Variants in RFX8 observed in about 807,000 individuals in gnomAD.
The protein encoded by RFX8 is regulatory factor X8, also known as DNA-binding protein RFX8.
Under a neutral mutation model 54.6 loss-of-function variants are expected in RFX8, and 46 were observed. The ratio of observed to expected loss-of-function variants is 0.84; its 90% confidence interval spans 0.67 to 1.08. The LOEUF (loss-of-function observed/expected upper bound fraction) is 1.08. RFX8 is among the 50% of genes least tolerant of loss of function. The pLI is 0.00. For missense variants in RFX8, 536 were observed against 562.3 expected, an observed-to-expected ratio of 0.95 and a Z score of 0.47; for synonymous variants, 192 against 209.5, an observed-to-expected ratio of 0.92 and a Z score of 0.72.
At chr2:101,461,287 G>GAAAA (rs1265443378) in intron 2 of RFX8, among the ~76,000 whole-genome samples, 1 of 133,956 alleles carries the variant, frequency 7.5e-6, no homozygotes, top group African/African-American at 2.8e-5. Context: ...AAAAAAGAAA[G>GAAAA]AAAAAGAAAA....
intron 2 of RFX8, among the ~76,000 whole-genome samples, chr2:101,456,216 C>T (rs1386699977): frequency 6.6e-6 from 1 of 152,168 alleles, no homozygotes; most frequent in African/African-American, 2.4e-5. Context: ...CTTTCTCTTG[C>T]CTGATTGTCC....
chr2:101,466,423 T>C (rs10176042), intron 2 of RFX8, among the ~76,000 whole-genome samples: 83,044 of 152,066 alleles, frequency 0.55, 24,022 homozygotes, highest in Non-Finnish European at 0.64. Context: ...AAAGTGGCTC[T>C]CAGCTTGTGT....
chr2:101,453,937 T>C (rs560619031), intron 2 of RFX8, among the ~76,000 whole-genome samples: 2 of 152,306 alleles, frequency 1.3e-5, no homozygotes, highest in South Asian at 4.1e-4. Context: ...CTAGGGTACA[T>C]GTGCACAACA....
intron 7 of RFX8, among the ~76,000 whole-genome samples, chr2:101,414,578 G>A (rs774897625): frequency 5.9e-5 from 9 of 151,972 alleles, no homozygotes; most frequent in East Asian, 1.9e-4. Context: ...CCTGGCCATC[G>A]GGCATCTTTT....
chr2:101,431,918 A>AGG (rs1031990790), intron 2 of RFX8, among the ~76,000 whole-genome samples: 5 of 152,132 alleles, frequency 3.3e-5, no homozygotes, highest in African/African-American at 1.2e-4. Context: ...CCTGCCATGT[A>AGG]GGGGCCTGTG....
intron 2 of RFX8, among the ~76,000 whole-genome samples, chr2:101,429,961 G>T (rs139721509): frequency 1.1e-3 from 172 of 152,272 alleles, no homozygotes; most frequent in African/African-American, 4.1e-3. Flanking sequence ...GCTCTCTTCT[G>T]AAGGTTTGGG....
In RFX8 at chr2:101,469,017, G is replaced by A. The variant is rs201322351; in HGVS notation, c.-52-2117C>T. ...GTATATATATACGTATATATATATA[G>A]GTATATATATATACGTATATATATG... On this transcript the variant is annotated intron_variant, in intron 1 of 11. Coordinates refer to ENST00000428343, the MANE Select transcript of RFX8 (RefSeq NM_001145664.2). Among the ~76,000 whole-genome samples the A allele has an allele frequency of 0.019, 388 of 20,540 alleles. 25 individuals are homozygous for A. The East Asian group carries it at 0.22, about 12-fold the overall frequency. 13.5% of individuals were successfully genotyped at this position (20,540 alleles called of 152,430 possible).
At chr2:101,474,460 G>C in intron 1 of RFX8, 176 bp downstream of exon 1, 1 of 356,636 alleles carries the variant, frequency 2.8e-6, no homozygotes. Flanking sequence ...CGCGGAAGGC[G>C]CGCGGCGAGT....
At chr2:101,429,439 A>G (rs1342343515) in intron 2 of RFX8, among the ~76,000 whole-genome samples, 1 of 152,230 alleles carries the variant, frequency 6.6e-6, no homozygotes, top group Non-Finnish European at 1.5e-5. Flanking sequence ...CTGGTAATTA[A>G]TAATAGAGAT....
chr2:101,403,731 G>A (rs957455559), intron 10 of RFX8, among the ~76,000 whole-genome samples: 16 of 152,188 alleles, frequency 1.1e-4, no homozygotes, highest in East Asian at 1.9e-4. Context: ...AGGTTGCAAT[G>A]AGCCAAGATC....
intron 2 of RFX8, among the ~76,000 whole-genome samples, chr2:101,433,592 C>T: frequency 6.6e-6 from 1 of 152,178 alleles, no homozygotes; most frequent in East Asian, 1.9e-4. Context: ...AGTCTAACTA[C>T]AATTTGCATT....
intron 10 of RFX8, among the ~76,000 whole-genome samples, chr2:101,403,192 G>A (rs1425797356): frequency 3.3e-5 from 5 of 152,106 alleles, no homozygotes; most frequent in Non-Finnish European, 5.9e-5. Context: ...GAAACGTAGC[G>A]CCTTGCCCCT....
chr2:101,467,979 A>G (rs1251383769), intron 1 of RFX8, among the ~76,000 whole-genome samples: 1 of 152,158 alleles, frequency 6.6e-6, no homozygotes, highest in African/African-American at 2.4e-5. Context: ...TTCTAGAGAA[A>G]AATATGGGTA....
intron 2 of RFX8, among the ~76,000 whole-genome samples, chr2:101,466,170 C>T (rs1573490629): frequency 6.6e-6 from 1 of 152,022 alleles, no homozygotes. Flanking sequence ...GCCATGCACC[C>T]CCTGACACTG....
chr2:101,466,659 G>A (rs2148994568), intron 2 of RFX8, 118 bp downstream of exon 2: 2 of 769,326 alleles, frequency 2.6e-6, no homozygotes, highest in Non-Finnish European at 4.5e-6. Flanking sequence ...TGGGAAGGAA[G>A]CCAAAGATAC....
At chr2:101,405,915 C>T in intron 10 of RFX8, 28 bp downstream of exon 10, 1 of 1,368,506 alleles carries the variant, frequency 7.3e-7, no homozygotes, top group Non-Finnish European at 1.0e-6. Context: ...AGGTAGAATA[C>T]AAAATACTTT....
At chr2:101,469,735 A>G (rs113806574) in intron 1 of RFX8, among the ~76,000 whole-genome samples, 1,910 of 152,218 alleles carry the variant, frequency 0.013, 41 homozygotes, top group African/African-American at 0.044. Context: ...CTAAGTCTCT[A>G]TGAATTGCTG....
At chr2:101,412,627 T>C (rs145079849) in intron 8 of RFX8, among the ~76,000 whole-genome samples, 295 of 152,204 alleles carry the variant, frequency 1.9e-3, no homozygotes, top group Non-Finnish European at 3.8e-3. Flanking sequence ...TGGAGATAAA[T>C]ACTGTCAAGC....
At chr2:101,441,163 G>A (rs1688081025) in intron 2 of RFX8, among the ~76,000 whole-genome samples, 3 of 152,016 alleles carry the variant, frequency 2.0e-5, no homozygotes, top group South Asian at 2.1e-4. Context: ...GTACAGACGG[G>A]GTTTCACCGT....
Sources: allele counts gnomAD v4.1 joint callset (sites outside exome capture counted in the v4.1 genomes callset), GRCh38; gene constraint gnomAD v4.1.1; transcripts MANE v1.5; gene names NCBI Gene and HGNC (gene_info 2026-07-23, HGNC 2026-07-21).